Variants in STXBP4 observed in about 807,000 individuals in gnomAD.
STXBP4 encodes the protein syntaxin binding protein 4, also known as syntaxin-binding protein 4.
STXBP4 carries 55 observed loss-of-function variants against 76.1 expected under a neutral mutation model. That is an observed-to-expected ratio of 0.72 (90% CI 0.58 to 0.91). The LOEUF is 0.91. Ranked by LOEUF, STXBP4 falls within the 40% of genes least tolerant of loss-of-function variation. The pLI is 0.00. For missense variants in STXBP4, 618 were observed against 636.9 expected (o/e 0.97, Z 0.32); for synonymous variants, 201 against 220.2 (o/e 0.91, Z 0.77).
intron 12 of STXBP4, among the ~76,000 whole-genome samples, chr17:55,069,491 G>T (rs2079096836): frequency 2.0e-5 from 3 of 152,040 alleles, no homozygotes; most frequent in Admixed American, 2.0e-4. Context: ...AAGAGAAAAT[G>T]GATTTATGTG....
rs558535607 is a variant in STXBP4 at position 55,002,653 on chromosome 17, C to G, written c.574+1770C>G. Among the ~76,000 whole-genome samples the G allele has an allele frequency of 2.0e-5, 3 of 152,098 alleles. No homozygotes were observed. In the South Asian group the frequency reaches 6.2e-4, roughly 32 times the overall value. On this transcript the variant is annotated intron_variant, in intron 7 of 17. Coordinates refer to ENST00000376352, the MANE Select transcript of STXBP4 (RefSeq NM_178509.6). The stretch of plus-strand genomic sequence containing the variant: ...TTATGTAAAGACATGAACAAAGAGG[C>G]CTAAGGAAGGAAGTAGTGAGTGCTA...
intron 8 of STXBP4, among the ~76,000 whole-genome samples, chr17:55,029,716 A>G (rs2078474079): frequency 6.6e-6 from 1 of 151,910 alleles, no homozygotes; most frequent in Admixed American, 6.6e-5. Context: ...TCACTTACAG[A>G]TTAACCAGTT....
rs2080333603 is a variant in STXBP4, at chr17:55,161,160, C to T, written c.*1249C>T. ...ACTGAATTTCATATGGTGTATAATA[C>T]AGATTTATATGGTAAAGATATACAT... On this transcript the variant is annotated 3_prime_UTR_variant, in exon 18 of 18. Transcript: ENST00000376352. 1 of 152,176 alleles carries T rather than the reference C, an allele frequency of 6.6e-6. No individual in the cohort carries two copies. The highest frequency in any genetic ancestry group is 1.5e-5 in the Non-Finnish European group (1 of 68,028). The allele number at this position is 152,176 out of a possible 1,614,324, so 9.4% of individuals were successfully genotyped here.
chr17:55,019,544 C>CTTTATAA (rs2078267742), intron 8 of STXBP4, among the ~76,000 whole-genome samples: 1 of 151,946 alleles, frequency 6.6e-6, no homozygotes, highest in East Asian at 1.9e-4. Context: ...ATTTGTTTAG[C>CTTTATAA]TTTATAAATT....
At chr17:55,185,326 T>TCTCCTTCTCCTCCTCCTCCTCCTC in the STXBP4 span, among the ~76,000 whole-genome samples, 19 of 74,702 alleles carry the variant, frequency 2.5e-4, no homozygotes, top group Middle Eastern at 8.8e-3. Context: ...TCCTTCTCCT[T>TCTCCTTCTCCTCCTCCTCCTCCTC]CTCCTCCTCC....
At chr17:55,099,669 CA>C (rs914533249) in intron 16 of STXBP4, among the ~76,000 whole-genome samples, 1 of 152,166 alleles carries the variant, frequency 6.6e-6, no homozygotes, top group Non-Finnish European at 1.5e-5. Flanking sequence ...AAATAGATCT[CA>C]AATAGTCTAT....
intron 10 of STXBP4, among the ~76,000 whole-genome samples, chr17:55,040,002 G>T (rs1259752561): frequency 6.6e-6 from 1 of 152,068 alleles, no homozygotes; most frequent in East Asian, 1.9e-4. Flanking sequence ...ACTCAAACTT[G>T]TAGGGAAAAA....
At chr17:55,069,802 G>C (rs939341279) in intron 12 of STXBP4, among the ~76,000 whole-genome samples, 6 of 152,096 alleles carry the variant, frequency 3.9e-5, no homozygotes, top group Admixed American at 6.6e-5. Context: ...TAATTAACTA[G>C]CATTCTTTGA....
chr17:55,149,069 A>G (rs2080187374), intron 17 of STXBP4, among the ~76,000 whole-genome samples: 1 of 152,184 alleles, frequency 6.6e-6, no homozygotes, highest in Non-Finnish European at 1.5e-5. Context: ...TTTTATTCTT[A>G]ATGAGGCTAC....
At chr17:55,002,990 T>C (rs903386002) in intron 7 of STXBP4, among the ~76,000 whole-genome samples, 34 of 152,302 alleles carry the variant, frequency 2.2e-4, no homozygotes, top group Non-Finnish European at 4.9e-4. Flanking sequence ...CAATTTTATG[T>C]CCTCCCCTTG....
the STXBP4 span, among the ~76,000 whole-genome samples, chr17:55,199,981 G>C: frequency 6.6e-6 from 1 of 152,156 alleles, no homozygotes; most frequent in African/African-American, 2.4e-5. Context: ...CATTTCTTTT[G>C]ATAGTCCTTC....
intron 4 of STXBP4, among the ~76,000 whole-genome samples, chr17:54,999,029 T>A (rs2077862212): frequency 6.6e-6 from 1 of 152,146 alleles, no homozygotes; most frequent in African/African-American, 2.4e-5. Context: ...CAGAGCTTTA[T>A]CAGCCCCATA....
chr17:55,167,820 T>C lies in STXBP4; in HGVS notation c.*7909T>C, dbSNP rs1174735727. 1 of 152,142 alleles carries C rather than the reference T, an allele frequency of 6.6e-6. No homozygotes were observed. Among genetic ancestry groups the C allele is most frequent in the Non-Finnish European group, 1.5e-5 (1 of 68,030 alleles). The allele number at this position is 152,142 out of a possible 1,614,324, so 9.4% of individuals were successfully genotyped here. Reference sequence around the variant, plus strand: ...CCACTGGAATTGCTTGACTGTTCTGTTTCACAGTGGAGAAATTCATCTTTC... The same window carrying C: ...CCACTGGAATTGCTTGACTGTTCTGCTTCACAGTGGAGAAATTCATCTTTC... On this transcript the variant is annotated 3_prime_UTR_variant, in exon 18 of 18. Coordinates refer to ENST00000376352, the MANE Select transcript of STXBP4 (RefSeq NM_178509.6).
At chr17:54,975,840 C>G (rs1393224292) in intron 1 of STXBP4, among the ~76,000 whole-genome samples, 2 of 152,074 alleles carry the variant, frequency 1.3e-5, no homozygotes, top group Admixed American at 6.6e-5. Flanking sequence ...GCCCTCAGAC[C>G]TTTTCTCTGC....
the STXBP4 span, among the ~76,000 whole-genome samples, chr17:55,185,253 TTCTCCTTCTC>T: frequency 2.7e-3 from 131 of 48,262 alleles, no homozygotes; most frequent in South Asian, 4.4e-3. Flanking sequence ...CTTCTTCTCC[TTCTCCTTCTC>T]CTTCTCCTTC....
chr17:55,183,770 A>G, the STXBP4 span, among the ~76,000 whole-genome samples: 17 of 152,356 alleles, frequency 1.1e-4, no homozygotes, highest in East Asian at 2.5e-3. Flanking sequence ...TTGAAGGCCA[A>G]AATTGTCACA....
intron 12 of STXBP4, 89 bp from the exon 13 acceptor site, chr17:55,072,811 T>C: frequency 8.8e-7 from 1 of 1,131,852 alleles, no homozygotes; most frequent in South Asian, 2.0e-5. Context: ...TTTGGAATTA[T>C]AACTTCCAGA....
At chr17:55,193,843 A>T in the STXBP4 span, among the ~76,000 whole-genome samples, 1 of 149,808 alleles carries the variant, frequency 6.7e-6, no homozygotes, top group African/African-American at 2.5e-5. Context: ...AACGTAATTA[A>T]TTCCTACAGC....
the STXBP4 span, among the ~76,000 whole-genome samples, chr17:55,200,044 A>C: frequency 1.3e-5 from 2 of 152,146 alleles, no homozygotes; most frequent in Non-Finnish European, 2.9e-5. Context: ...AGCCTTTTTA[A>C]ATTCCCTTCT....
Sources: allele counts gnomAD v4.1 joint callset (sites outside exome capture counted in the v4.1 genomes callset), GRCh38; gene constraint gnomAD v4.1.1; transcripts MANE v1.5; gene names NCBI Gene and HGNC (gene_info 2026-07-23, HGNC 2026-07-21).